SGPP2: variants seen among roughly 807,000 people sequenced by gnomAD.
The protein encoded by SGPP2 is sphingosine-1-phosphate phosphatase 2, also known as sphingosine 1-phosphate phosphohydrolase 2.
In SGPP2, 30 loss-of-function variants were observed where a neutral mutation model predicts 33.9. The observed-to-expected ratio is 0.89, with a 90% confidence interval of 0.66 to 1.20. The LOEUF is 1.20. SGPP2 is among the 50% of genes most tolerant of loss of function. The probability of loss-of-function intolerance (pLI) is 0.00; values close to 1 mark genes in which losing one functional copy is unlikely to be tolerated. For missense variants in SGPP2, 458 were observed against 532.1 expected (o/e 0.86, Z 1.37); for synonymous variants, 233 against 225.0 (o/e 1.04, Z -0.32).
rs2106154951 is a variant in SGPP2 at position 222,550,505 on chromosome 2, C to T, written c.649-7842C>T. 6.6e-6 allele frequency among the ~76,000 whole-genome samples: 1 copy of T among 152,240 alleles called. No homozygotes were observed. The highest frequency in any genetic ancestry group is 1.9e-4 in the East Asian group (1 of 5,190). On this transcript the variant is annotated intron_variant, in intron 4 of 4. Coordinates refer to ENST00000321276, the MANE Select transcript of SGPP2 (RefSeq NM_152386.4). This position sits in a 1 kb window ranked among gnomAD's most constrained non-coding sequence, Gnocchi z 4.5. ...ATTTCCTTCTGACATTTTATCCATG[C>T]TTACAAGTATATATTTATATAAAAT...
rs1697952899 is a variant in SGPP2, at chr2:222,477,163, A to T, written c.378+2437A>T. ...GGTGTGTATATATCTGTGTGTGTGT[A>T]TAGGTGTGTGTATATGTGTATGTGT... On this transcript the variant is annotated intron_variant, in intron 2 of 4. Transcript: ENST00000321276. This position sits in a 1 kb window ranked among gnomAD's most constrained non-coding sequence, Gnocchi z 6.0. Among the ~76,000 whole-genome samples, 1 of 150,248 alleles carries T rather than the reference A, an allele frequency of 6.7e-6. No individual in the cohort carries two copies. Among genetic ancestry groups the T allele is most frequent in the Non-Finnish European group, 1.5e-5 (1 of 67,404 alleles).
chr2:222,452,919 G>C, intron 1 of SGPP2: 2 of 1,585,398 alleles, frequency 1.3e-6, no homozygotes, highest in Non-Finnish European at 1.7e-6. Context: ...CAGGATATTG[G>C]AAAGTTCTTG....
At chr2:222,495,455 C>T (rs1698265501) in intron 2 of SGPP2, among the ~76,000 whole-genome samples, 1 of 152,070 alleles carries the variant, frequency 6.6e-6, no homozygotes, top group Non-Finnish European at 1.5e-5. Flanking sequence ...GCACCGAAGT[C>T]CTTTTATATT....
At chr2:222,527,781 A>G (rs931853952) in intron 4 of SGPP2, among the ~76,000 whole-genome samples, 3 of 152,228 alleles carry the variant, frequency 2.0e-5, no homozygotes, top group African/African-American at 7.2e-5. Flanking sequence ...AGAATGGCCT[A>G]GGGTGCAATG....
At chr2:222,446,959 C>A (rs551906840) in intron 1 of SGPP2, among the ~76,000 whole-genome samples, 22 of 152,294 alleles carry the variant, frequency 1.4e-4, no homozygotes, top group South Asian at 4.1e-4. Context: ...TGACAGTAGT[C>A]CCTGTTAATA....
chr2:222,444,677 G>A (rs1697373684), intron 1 of SGPP2, among the ~76,000 whole-genome samples: 1 of 152,150 alleles, frequency 6.6e-6, no homozygotes, highest in Admixed American at 6.5e-5. Flanking sequence ...TTCCCCATAA[G>A]AAAACACCAA....
chr2:222,460,303 C>T lies in SGPP2; in HGVS notation c.220-14265C>T, dbSNP rs554468504. On this transcript the variant is annotated intron_variant, in intron 1 of 4. Coordinates refer to ENST00000321276, the MANE Select transcript of SGPP2 (RefSeq NM_152386.4). The surrounding 1 kb of genome is among the most constrained non-coding windows in gnomAD (Gnocchi z 4.3). ...TCATCTTCCAGGATGGCCCATGAGA[C>T]TCCCTGAGTACCCAGCTGTTATTTC... is the stretch of plus-strand genomic sequence containing the variant. 7.2e-5 allele frequency among the ~76,000 whole-genome samples: 11 copies of T among 152,302 alleles called. No homozygotes were observed. The highest frequency in any genetic ancestry group is 1.3e-4 in the Non-Finnish European group (9 of 68,024).
At chr2:222,458,688 TA>T in intron 1 of SGPP2, among the ~76,000 whole-genome samples, 1 of 152,216 alleles carries the variant, frequency 6.6e-6, no homozygotes, top group Non-Finnish European at 1.5e-5. Context: ...GTTCCTAGTA[TA>T]TTCTCAATTT....
chr2:222,493,972 T>C (rs544048560), intron 2 of SGPP2, among the ~76,000 whole-genome samples: 1 of 152,326 alleles, frequency 6.6e-6, no homozygotes, highest in Non-Finnish European at 1.5e-5. Flanking sequence ...AGCTAATTAA[T>C]TTCCCTCTGT....
chr2:222,556,184 G>A (rs1190416076), intron 4 of SGPP2, among the ~76,000 whole-genome samples: 1 of 152,142 alleles, frequency 6.6e-6, no homozygotes, highest in Non-Finnish European at 1.5e-5. Flanking sequence ...GGCAACATGT[G>A]TAGAAAACCC....
At position 222,476,367 on chromosome 2, in the gene SGPP2, C is replaced by T. The variant is rs556794183; in HGVS notation, c.378+1641C>T. ...TCTTCACCAGGTGGTGACAGAGGGACTAGGGAGCAACTGCCCCTGGCTCCA... is the reference window on the plus strand; with the variant it reads ...TCTTCACCAGGTGGTGACAGAGGGATTAGGGAGCAACTGCCCCTGGCTCCA... On this transcript the variant is annotated intron_variant, in intron 2 of 4. Transcript: ENST00000321276. The surrounding 1 kb of genome is among the most constrained non-coding windows in gnomAD (Gnocchi z 4.3). Among the ~76,000 whole-genome samples, 63 of 152,246 alleles carry T rather than the reference C, an allele frequency of 4.1e-4. No individual in the cohort carries two copies. Among genetic ancestry groups the T allele is most frequent in the Middle Eastern group, 3.4e-3 (1 of 294 alleles).
Position 222,532,619 on chromosome 2 carries a change from C to T in SGPP2, c.648+7586C>T, listed in dbSNP as rs148330009. Among the ~76,000 whole-genome samples the T allele has an allele frequency of 1.5e-3, 229 of 152,352 alleles. 1 individual carries two copies. Among genetic ancestry groups the T allele is most frequent in the Admixed American group, 0.013 (193 of 15,310 alleles). The stretch of plus-strand genomic sequence containing the variant: ...GGCAACACCCCAGCTCCTCCCTTCC[C>T]ACACCTCCATCAGTCAGGTAGTCAC... On this transcript the variant is annotated intron_variant, in intron 4 of 4. Transcript: ENST00000321276.
At chr2:222,495,734 C>G (rs1250511847) in intron 2 of SGPP2, among the ~76,000 whole-genome samples, 1 of 152,178 alleles carries the variant, frequency 6.6e-6, no homozygotes, top group Non-Finnish European at 1.5e-5. Flanking sequence ...CACAGACTCT[C>G]CAAATTCCCA....
rs564742739 is a variant in SGPP2 at position 222,525,192 on chromosome 2, T to C, written c.648+159T>C. Among the ~76,000 whole-genome samples, 3 of 152,354 alleles carry C rather than the reference T, an allele frequency of 2.0e-5. No individual in the cohort carries two copies. The South Asian group carries it at 6.2e-4, about 32-fold the overall frequency. On this transcript the variant is annotated intron_variant, in intron 4 of 4. Coordinates refer to ENST00000321276, the MANE Select transcript of SGPP2 (RefSeq NM_152386.4). The stretch of plus-strand genomic sequence containing the variant: ...TAAGTAATTATTATGTTCGGGTGCA[T>C]GTATGATAATAGTAATGAAACATTA...
intron 1 of SGPP2, chr2:222,452,893 G>A: frequency 3.1e-6 from 5 of 1,602,660 alleles, no homozygotes; most frequent in Non-Finnish European, 4.3e-6. Context: ...GTCTTCACCT[G>A]TTTGTAGCTA....
At chr2:222,530,391 T>G (rs1698820991) in intron 4 of SGPP2, among the ~76,000 whole-genome samples, 1 of 152,250 alleles carries the variant, frequency 6.6e-6, no homozygotes, top group African/African-American at 2.4e-5. Context: ...ATTAAAACGC[T>G]GTTGTGTAAC....
chr2:222,430,313 G>T (rs1428811355), intron 1 of SGPP2, among the ~76,000 whole-genome samples: 1 of 152,140 alleles, frequency 6.6e-6, no homozygotes, highest in Non-Finnish European at 1.5e-5. Flanking sequence ...GTTCAGCTTG[G>T]ATATCATCAG....
rs577555211 is a variant in SGPP2 at position 222,494,790 on chromosome 2, C to T, written c.378+20064C>T. On this transcript the variant is annotated intron_variant, in intron 2 of 4. Transcript: ENST00000321276. ...ATTTAAACATTTGCCAAAGACTGTA[C>T]CTCTCTTTTTTCCCCCCTCTTCATT... Among the ~76,000 whole-genome samples, 3 of 152,300 alleles carry T rather than the reference C, an allele frequency of 2.0e-5. No homozygotes were observed. The East Asian group carries it at 5.8e-4, about 29-fold the overall frequency.
intron 4 of SGPP2, among the ~76,000 whole-genome samples, chr2:222,542,038 A>T (rs769192517): frequency 3.9e-5 from 6 of 152,238 alleles, no homozygotes; most frequent in Non-Finnish European, 7.3e-5. Flanking sequence ...CACCCATGTT[A>T]GGAAATACAG....
Sources: allele counts gnomAD v4.1 joint callset (sites outside exome capture counted in the v4.1 genomes callset), GRCh38; gene constraint gnomAD v4.1.1; non-coding constraint Gnocchi (gnomAD v3.1); transcripts MANE v1.5; gene names NCBI Gene and HGNC (gene_info 2026-07-23, HGNC 2026-07-21).